RORA: variants seen among roughly 807,000 people sequenced by gnomAD.
RORA encodes the protein RAR related orphan receptor A.
RORA carries 7 observed loss-of-function variants against 69.5 expected under a neutral mutation model. The observed-to-expected ratio is 0.10, with a 90% CI of 0.06 to 0.19. The LOEUF is 0.19. RORA is among the 10% of genes least tolerant of loss of function. The probability of loss-of-function intolerance (pLI) is 1.00; values close to 1 mark genes in which losing one functional copy is unlikely to be tolerated. For synonymous variants in RORA, 261 were observed against 240.8 expected (o/e 1.08, Z -0.78); for missense variants, 457 against 663.0 (o/e 0.69, Z 3.41).
At chr15:61,103,563 C>A (rs2078910321) in intron 1 of RORA, among the ~76,000 whole-genome samples, 1 of 152,164 alleles carries the variant, frequency 6.6e-6, no homozygotes, top group South Asian at 2.1e-4. Flanking sequence ...CCCTGGTGCC[C>A]ACAGAGTGTC....
At chr15:61,135,191 C>T (rs978356439) in intron 1 of RORA, among the ~76,000 whole-genome samples, 3 of 148,558 alleles carry the variant, frequency 2.0e-5, no homozygotes, top group East Asian at 3.9e-4. Context: ...ATTAGCCAAG[C>T]GTGGTGGTAC....
intron 1 of RORA, among the ~76,000 whole-genome samples, chr15:60,705,083 C>T (rs998201485): frequency 1.3e-5 from 2 of 151,638 alleles, no homozygotes; most frequent in African/African-American, 4.8e-5. Context: ...GTTTTGCTTT[C>T]CTCCTAGTAA....
At chr15:61,134,348 T>C (rs1354985020) in intron 1 of RORA, among the ~76,000 whole-genome samples, 1 of 152,198 alleles carries the variant, frequency 6.6e-6, no homozygotes, top group Non-Finnish European at 1.5e-5. Flanking sequence ...ACAAAGAGCA[T>C]GGGCTCTGCA....
At chr15:60,965,569 C>A (rs770194727) in intron 1 of RORA, among the ~76,000 whole-genome samples, 1 of 152,168 alleles carries the variant, frequency 6.6e-6, no homozygotes, top group Admixed American at 6.5e-5. Context: ...ACTAGCCCAA[C>A]ACAAAGCCAT....
intron 5 of RORA, among the ~76,000 whole-genome samples, chr15:60,506,333 G>T (rs1294781914): frequency 6.6e-6 from 1 of 152,124 alleles, no homozygotes; most frequent in Non-Finnish European, 1.5e-5. Context: ...CCCTTAGAAT[G>T]GGGAGGATTA....
At chr15:60,802,190 C>G (rs896240039) in intron 1 of RORA, among the ~76,000 whole-genome samples, 10 of 152,214 alleles carry the variant, frequency 6.6e-5, no homozygotes, top group African/African-American at 2.4e-4. Flanking sequence ...TGGGCCCTGA[C>G]AAGGACAGGC....
At chr15:60,577,396 T>C (rs1596002287) in intron 2 of RORA, among the ~76,000 whole-genome samples, 1 of 152,060 alleles carries the variant, frequency 6.6e-6, no homozygotes, top group African/African-American at 2.4e-5. Flanking sequence ...GTAATCCCAG[T>C]ACTTTGGGAG....
At position 60,581,261 on chromosome 15, in the gene RORA, G is replaced by A. The variant is rs989095601; in HGVS notation, c.197-49410C>T. ...GAACGTAACAGCAGCAGGGGGCTTA[G>A]AAAGACTGCCAAAACCCTGAGACAT... On this transcript the variant is annotated intron_variant, in intron 2 of 10. Coordinates refer to ENST00000335670, the MANE Select transcript of RORA (RefSeq NM_134261.3). Among the ~76,000 whole-genome samples the A allele has an allele frequency of 6.6e-5, 10 of 152,196 alleles. No homozygotes were observed. In the East Asian group the frequency reaches 1.9e-3, roughly 29 times the overall value.
Position 60,495,112 on chromosome 15 carries a change from A to G in RORA, c.*2343T>C, listed in dbSNP as rs897365496. 6.6e-6 allele frequency: 1 copy of G among 152,210 alleles called. No homozygotes were observed. The highest frequency in any genetic ancestry group is 2.1e-4 in the South Asian group (1 of 4,834). 9.4% of individuals were successfully genotyped at this position (152,210 alleles called of 1,614,324 possible). A position where few individuals can be genotyped will look rare whatever the true frequency, so the allele number is the denominator to read the frequency against. ...AACAAAACAAAACCAAAACCAAAAA[A>G]CTAAAACACAAAACTCAAACAAAAA... On this transcript the variant is annotated 3_prime_UTR_variant, in exon 11 of 11. Coordinates refer to ENST00000335670, the MANE Select transcript of RORA (RefSeq NM_134261.3).
intron 1 of RORA, among the ~76,000 whole-genome samples, chr15:61,154,457 T>C (rs1451673548): frequency 6.6e-6 from 1 of 152,026 alleles, no homozygotes; most frequent in Non-Finnish European, 1.5e-5. Context: ...AGCACTCCAT[T>C]ACCAACTGAG....
At chr15:60,624,819 C>T (rs1013969696) in intron 2 of RORA, among the ~76,000 whole-genome samples, 1 of 152,008 alleles carries the variant, frequency 6.6e-6, no homozygotes, top group Non-Finnish European at 1.5e-5. Context: ...TGATTTAATG[C>T]TGTCAAGTGC....
At position 60,511,140 on chromosome 15, in the gene RORA, G is replaced by C. The variant is rs2065684827; in HGVS notation, c.820+86C>G. ...TAAAGGTGAATTGCATCATTTAGCAGAACTCATTAGAGGAAAGTCAGACAT... is the reference window on the plus strand; with the variant it reads ...TAAAGGTGAATTGCATCATTTAGCACAACTCATTAGAGGAAAGTCAGACAT... On this transcript the variant is annotated intron_variant, in intron 5 of 10. Transcript: ENST00000335670. This position sits in a 1 kb window ranked among gnomAD's most constrained non-coding sequence, Gnocchi z 6.4. 2.1e-6 allele frequency: 3 copies of C among 1,397,070 alleles called. No individual in the cohort carries two copies. The highest frequency in any genetic ancestry group is 2.9e-6 in the Non-Finnish European group (3 of 1,022,592). 86.5% of individuals were successfully genotyped at this position (1,397,070 alleles called of 1,614,324 possible).
At chr15:61,075,453 A>C (rs139449232) in intron 1 of RORA, among the ~76,000 whole-genome samples, 1 of 152,182 alleles carries the variant, frequency 6.6e-6, no homozygotes, top group East Asian at 1.9e-4. Flanking sequence ...CAGCTTAATT[A>C]ATCAGTAAAG....
At chr15:60,936,187 G>A (rs1892517672) in intron 1 of RORA, among the ~76,000 whole-genome samples, 1 of 152,216 alleles carries the variant, frequency 6.6e-6, no homozygotes, top group Admixed American at 6.5e-5. Flanking sequence ...AGGTATCTAT[G>A]GCCCTGGGGG....
intron 1 of RORA, among the ~76,000 whole-genome samples, chr15:60,815,804 A>AC (rs2072802077): frequency 6.6e-6 from 1 of 151,320 alleles, no homozygotes; most frequent in Non-Finnish European, 1.5e-5. Flanking sequence ...CTTTTAAAAA[A>AC]AATTTTATAT....
chr15:60,845,797 A>G (rs1325573642), intron 1 of RORA, among the ~76,000 whole-genome samples: 2 of 152,324 alleles, frequency 1.3e-5, no homozygotes, highest in South Asian at 4.1e-4. Flanking sequence ...CCCAGGCTGC[A>G]GTGCAGTGGT....
chr15:61,133,366 T>C (rs1243632504), intron 1 of RORA, among the ~76,000 whole-genome samples: 1 of 152,202 alleles, frequency 6.6e-6, no homozygotes, highest in African/African-American at 2.4e-5. Context: ...AGGTAATGAT[T>C]GGAGTAACAG....
At chr15:60,509,724 A>G (rs757719229) in intron 5 of RORA, among the ~76,000 whole-genome samples, 5 of 151,918 alleles carry the variant, frequency 3.3e-5, no homozygotes, top group Non-Finnish European at 5.9e-5. Flanking sequence ...TACTTTCATT[A>G]CAGTTCTGCT....
At chr15:60,849,411 G>C (rs1431103399) in intron 1 of RORA, among the ~76,000 whole-genome samples, 1 of 152,190 alleles carries the variant, frequency 6.6e-6, no homozygotes, top group Non-Finnish European at 1.5e-5. Flanking sequence ...AATATTAATA[G>C]ATGAAACGGA....
Sources: allele counts gnomAD v4.1 joint callset (sites outside exome capture counted in the v4.1 genomes callset), GRCh38; gene constraint gnomAD v4.1.1; non-coding constraint Gnocchi (gnomAD v3.1); transcripts MANE v1.5; gene names NCBI Gene and HGNC (gene_info 2026-07-23, HGNC 2026-07-21).